PTCH2: variants seen among roughly 807,000 people sequenced by gnomAD.
PTCH2 encodes patched 2, also known as protein patched homolog 2.
A neutral mutation model predicts 117.9 loss-of-function variants in PTCH2; 96 were observed. That is an observed-to-expected ratio of 0.81 (90% confidence interval 0.69 to 0.96). The LOEUF is 0.96. PTCH2 is among the 50% of genes least tolerant of loss of function. The pLI, the probability that PTCH2 is intolerant of heterozygous loss-of-function variation, is 0.00. For missense variants in PTCH2, 1,379 were observed against 1,562.5 expected (o/e 0.88, Z 1.98); for synonymous variants, 615 against 660.9 (o/e 0.93, Z 1.06).
Position 44,827,774 on chromosome 1 carries a change from G to A in PTCH2, c.2059-60C>T, listed in dbSNP as rs536243519. 5.6e-5 allele frequency: 91 copies of A among 1,611,856 alleles called. No individual in the cohort carries two copies. In the African/African-American group the frequency reaches 1.0e-3, roughly 18 times the overall value. ...GGCTGCCCCCAGCCCCTCAGGCAGT[G>A]GACTAAGCCCTCTCTGCCCTTCTGG... is the stretch of plus-strand genomic sequence containing the variant. On this transcript the variant is annotated intron_variant, in intron 14 of 21. Transcript: ENST00000372192.
At position 44,826,419 on chromosome 1, in the gene PTCH2, G is replaced by T; in HGVS notation, c.2977-32C>A. 6.2e-7 allele frequency: 1 copy of T among 1,614,046 alleles called. No individual in the cohort carries two copies. Among genetic ancestry groups the T allele is most frequent in the Non-Finnish European group, 8.5e-7 (1 of 1,180,016 alleles). Reference sequence around the variant, plus strand: ...GAGACAGGGCTCACAGAGGGCTCCTGGCAGGAGGGATGACAGGCTGGGCAG... The same window carrying T: ...GAGACAGGGCTCACAGAGGGCTCCTTGCAGGAGGGATGACAGGCTGGGCAG... On this transcript the variant is annotated intron_variant, in intron 18 of 21. Transcript: ENST00000372192. This position sits in a 1 kb window ranked among gnomAD's most constrained non-coding sequence, Gnocchi z 5.1.
At position 44,828,095 on chromosome 1, in the gene PTCH2, G is replaced by A; in HGVS notation, c.1806C>T (p.Ala602=). 1 of 1,614,156 alleles carries A rather than the reference G, an allele frequency of 6.2e-7. No individual in the cohort carries two copies. Among genetic ancestry groups the A allele is most frequent in the Non-Finnish European group, 8.5e-7 (1 of 1,180,028 alleles). Residue 602 remains alanine (A), a synonymous_variant, in exon 14 of 22, where the codon GCC becomes GCT. Coordinates refer to ENST00000372192, the MANE Select transcript of PTCH2 (RefSeq NM_003738.5). ...GGCTGCTGGCTTCACAGTGGGTAAA[G>A]GCTTGAACTGTGGCAGTGAGGTGGG... The part of the protein sequence containing the change: ...GIAHLTATVQ[A]FTHCEASSQH...
In PTCH2 at chr1:44,827,703, C is replaced by T. The variant is rs1225161469; in HGVS notation, c.2070G>A (p.Leu690=). 1 of 1,611,410 alleles carries T rather than the reference C, an allele frequency of 6.2e-7. No individual in the cohort carries two copies. The highest frequency in any genetic ancestry group is 1.1e-5 in the South Asian group (1 of 91,082). ...GGCCCAGAAGAGCACCAAAGAGCAC[C>T]AGCACGATGGCCTGCGGGATGTAGC... The part of the protein sequence containing the change: ...LLQSHAKAIV[L]VLFGALLGLS... Residue 690 remains leucine, a synonymous_variant, in exon 15 of 22, where the codon CTG becomes CTA. Transcript: ENST00000372192.
chr1:44,827,647 T>C lies in PTCH2; in HGVS notation c.2126A>G (p.Asp709Gly). 1 of 1,613,348 alleles carries C rather than the reference T, an allele frequency of 6.2e-7. No homozygotes were observed. The highest frequency in any genetic ancestry group is 8.5e-7 in the Non-Finnish European group (1 of 1,180,010). Residue 709 changes from aspartate to glycine, a missense_variant, in exon 15 of 22, where the codon GAC (aspartate) becomes GGC (glycine). Asp to Gly is a moderately conservative substitution (Grantham distance 94). Transcript: ENST00000372192. ...CACCACATCCGTCAGGGCCAGGCCG[T>C]CTTGCACCAAGGTGGCTCCGTAGAG... is the stretch of plus-strand genomic sequence containing the variant. ...LSLYGATLVQ[D>G]GLALTDVVPR...
At chr1:44,820,737 G>A (rs1199449612), downstream of PTCH2, 4 of 718,202 alleles carry the variant, frequency 5.6e-6, no homozygotes, top group East Asian at 5.4e-5. Flanking sequence ...GCTTAGTGAG[G>A]CTGGCTAACT....
chr1:44,834,657 T>C (rs1170273922), intron 2 of PTCH2, among the ~76,000 whole-genome samples: 1 of 152,032 alleles, frequency 6.6e-6, no homozygotes, highest in Non-Finnish European at 1.5e-5. Flanking sequence ...AAATGGAGCA[T>C]CAAAGAGAAT....
In PTCH2 at chr1:44,829,317, G is replaced by T; in HGVS notation, c.1216-5C>A. ...GGTCACACAGGCATAGGCCAGCTGT[G>T]GGGGGAAAGGGCAGTCTCAGGGGCT... On this transcript the variant is annotated splice_polypyrimidine_tract_variant and splice_region_variant and intron_variant, in intron 9 of 21. Coordinates refer to ENST00000372192, the MANE Select transcript of PTCH2 (RefSeq NM_003738.5). 6.2e-7 allele frequency: 1 copy of T among 1,613,738 alleles called. No individual in the cohort carries two copies. The highest frequency in any genetic ancestry group is 8.5e-7 in the Non-Finnish European group (1 of 1,179,990).
At position 44,831,783 on chromosome 1, in the gene PTCH2, C is replaced by A; in HGVS notation, c.540G>T (p.Leu180=). The A allele has an allele frequency of 6.2e-7, 1 of 1,604,042 alleles. No homozygotes were observed. Among genetic ancestry groups the A allele is most frequent in the Non-Finnish European group, 8.5e-7 (1 of 1,175,188 alleles). Residue 180 remains leucine (L), a synonymous_variant, in exon 5 of 22, where the codon CTG becomes CTT. Coordinates refer to ENST00000372192, the MANE Select transcript of PTCH2 (RefSeq NM_003738.5). The surrounding 1 kb of genome is among the most constrained non-coding windows in gnomAD (Gnocchi z 4.3). ...GGGGGGTGAGGATCACGCACGGAAA[C>A]AGCTTCTCAATCATCTGCCAGGGAT... ...NGMIERMIEK[L]FPCVILTPLD...
chr1:44,821,055 T>C (rs1183318997), downstream of PTCH2, among the ~76,000 whole-genome samples: 2 of 152,108 alleles, frequency 1.3e-5, no homozygotes, highest in East Asian at 1.9e-4. Context: ...CTGGCCTTTG[T>C]CCAGGTGGGG....
intron 2 of PTCH2, 92 bp downstream of exon 2, chr1:44,841,755 A>G: frequency 1.4e-6 from 2 of 1,441,578 alleles, no homozygotes; most frequent in Non-Finnish European, 9.8e-7. Context: ...CCCCAGGGCC[A>G]GGCCTGCTAG....
At chr1:44,840,629 T>A (rs1384270874) in intron 2 of PTCH2, among the ~76,000 whole-genome samples, 1 of 151,300 alleles carries the variant, frequency 6.6e-6, no homozygotes, top group Non-Finnish European at 1.5e-5. Context: ...GAGAATCGTT[T>A]GAACCTGGGA....
downstream of PTCH2, among the ~76,000 whole-genome samples, chr1:44,821,284 GAACA>G (rs549059669): frequency 3.2e-3 from 495 of 152,316 alleles, 3 homozygotes; most frequent in African/African-American, 0.011. Flanking sequence ...AACTTTCACA[GAACA>G]AACAACTTAC....
At chr1:44,833,522 G>A (rs572212586) in intron 2 of PTCH2, among the ~76,000 whole-genome samples, 1 of 147,698 alleles carries the variant, frequency 6.8e-6, no homozygotes, top group East Asian at 2.0e-4. Context: ...CTATAGCTTC[G>A]ACTTCCTGGG....
chr1:44,823,258 A>C lies in PTCH2; in HGVS notation c.3242T>G (p.Phe1081Cys). ...LGLLMLAGSH[F>C]DFIVRYFFAA... ...CCCTCCCTACCTTACAATGAAGTCA[A>C]AGTGGGAACCAGCAAGCATGAGCAG... The change falls in exon 20 of 22, where the codon TTT becomes TGT. Residue 1081 changes from phenylalanine (F) to cysteine (C), a missense_variant. Transcript: ENST00000372192. This position sits in a 1 kb window ranked among gnomAD's most constrained non-coding sequence, Gnocchi z 5.1. 6.2e-7 allele frequency: 1 copy of C among 1,614,210 alleles called. No homozygotes were observed. The highest frequency in any genetic ancestry group is 1.7e-5 in the Admixed American group (1 of 60,032).
At chr1:44,821,482 C>T (rs931649786), downstream of PTCH2, among the ~76,000 whole-genome samples, 3 of 152,152 alleles carry the variant, frequency 2.0e-5, no homozygotes, top group Non-Finnish European at 4.4e-5. Context: ...GAGAAGCTCC[C>T]CAGACCCTGT....
rs909568880 is a variant in PTCH2, at chr1:44,830,013, G to A, written c.831C>T (p.His277=). 2.5e-6 allele frequency: 4 copies of A among 1,613,982 alleles called. No homozygotes were observed. Among genetic ancestry groups the A allele is most frequent in the African/African-American group, 1.3e-5 (1 of 74,918 alleles). ...AGCCATGGCAGCCCCCACTCAGCTC[G>A]TGAGCCACATTGGGAGCCTGGAGGG... is the stretch of plus-strand genomic sequence containing the variant. The part of the protein sequence containing the change: ...HHSRQAPNVA[H]ELSGGCHGFS... Residue 277 remains histidine, a synonymous_variant, in exon 7 of 22, where the codon CAC becomes CAT. Coordinates refer to ENST00000372192, the MANE Select transcript of PTCH2 (RefSeq NM_003738.5).
chr1:44,841,979 A>G lies in PTCH2; in HGVS notation c.133T>C (p.Phe45Leu). Reference protein sequence around the residue: ...WLRAYFQGLLFSLGCGIQRHC... With the variant: ...WLRAYFQGLLLSLGCGIQRHC... ...CTCTGGATCCCGCATCCCAGAGAGA[A>G]GAGCAGGCCCTGGAAGTAAGCACGA... Residue 45 changes from phenylalanine (F) to leucine (L), a missense_variant, in exon 2 of 22, where the codon TTC becomes CTC. Phe to Leu is a conservative substitution (Grantham distance 22). Coordinates refer to ENST00000372192, the MANE Select transcript of PTCH2 (RefSeq NM_003738.5). 1 of 1,614,202 alleles carries G rather than the reference A, an allele frequency of 6.2e-7. No homozygotes were observed. Among genetic ancestry groups the G allele is most frequent in the African/African-American group, 1.3e-5 (1 of 75,068 alleles).
At position 44,827,588 on chromosome 1, in the gene PTCH2, C is replaced by A. The variant is rs765415578; in HGVS notation, c.2185G>T (p.Ala729Ser). 1.6e-5 allele frequency: 26 copies of A among 1,613,948 alleles called. No homozygotes were observed. The highest frequency in any genetic ancestry group is 2.7e-5 in the African/African-American group (2 of 74,940). Residue 729 changes from alanine (A) to serine (S), a missense_variant, in exon 15 of 22, where the codon GCC becomes TCC. Ala to Ser is a moderately conservative substitution (Grantham distance 99). Coordinates refer to ENST00000372192, the MANE Select transcript of PTCH2 (RefSeq NM_003738.5). ...TACAGGGAGAAGTACCTGAGCTGGG[C>A]GCTCAGGAAGGCATGCTCCTTGGTG... ...RGTKEHAFLS[A>S]QLRYFSLYEV...
At chr1:44,822,930 G>T in intron 21 of PTCH2, 139 bp downstream of exon 21, 1 of 1,002,132 alleles carries the variant, frequency 1.0e-6, no homozygotes. Flanking sequence ...GGGGAAAGGA[G>T]GAGGCTGCCA....
Sources: allele counts gnomAD v4.1 joint callset (sites outside exome capture counted in the v4.1 genomes callset), GRCh38; gene constraint gnomAD v4.1.1; non-coding constraint Gnocchi (gnomAD v3.1); transcripts MANE v1.5; gene names NCBI Gene and HGNC (gene_info 2026-07-23, HGNC 2026-07-21).